GRHL2: variants seen among roughly 807,000 people sequenced by gnomAD.
The protein encoded by GRHL2 is grainyhead-like protein 2 homolog.
Under a neutral mutation model 83.8 loss-of-function variants are expected in GRHL2, and 21 were observed. The observed-to-expected ratio is 0.25, with a 90% CI of 0.18 to 0.36. The LOEUF is 0.36. GRHL2 is among the 10% of genes least tolerant of loss of function. The probability of loss-of-function intolerance (pLI) is 1.00; values close to 1 mark genes in which losing one functional copy is unlikely to be tolerated. For missense variants in GRHL2, 623 were observed against 781.8 expected, an observed-to-expected ratio of 0.80 and a Z score of 2.42; for synonymous variants, 280 against 278.9, an observed-to-expected ratio of 1.00 and a Z score of -0.04.
intron 1 of GRHL2, among the ~76,000 whole-genome samples, chr8:101,532,593 T>C (rs1810951877): frequency 6.6e-6 from 1 of 151,806 alleles, no homozygotes; most frequent in South Asian, 2.1e-4. Context: ...CTACTAAAAA[T>C]ACAAAAATTA....
intron 2 of GRHL2, among the ~76,000 whole-genome samples, chr8:101,544,890 A>C (rs1004671309): frequency 3.3e-5 from 5 of 152,162 alleles, no homozygotes; most frequent in African/African-American, 1.2e-4. Context: ...CCCCTAGAAC[A>C]GTTCTCATGC....
In GRHL2 at chr8:101,585,260, TAC is replaced by T. The variant is rs544574314; in HGVS notation, c.1003+7743_1003+7744del. Among the ~76,000 whole-genome samples, 44 of 152,368 alleles carry T rather than the reference TAC, an allele frequency of 2.9e-4. No individual in the cohort carries two copies. In the East Asian group the frequency reaches 3.5e-3, roughly 12 times the overall value. On this transcript the variant is annotated intron_variant, in intron 7 of 15. Coordinates refer to ENST00000646743, the MANE Select transcript of GRHL2 (RefSeq NM_024915.4). ...AAATTATACAGATTTGCTCTCTCCC[TAC>T]AGTCTGGAAAATGTAGGTCTTCCCT...
intron 8 of GRHL2, among the ~76,000 whole-genome samples, chr8:101,608,751 AC>A (rs1812685093): frequency 7.1e-6 from 1 of 141,314 alleles, no homozygotes. Context: ...ACACACACAC[AC>A]ACACACACAC....
chr8:101,639,847 T>G (rs892834086), intron 12 of GRHL2, among the ~76,000 whole-genome samples: 3 of 152,278 alleles, frequency 2.0e-5, no homozygotes, highest in African/African-American at 7.2e-5. Context: ...GGCCACGTTC[T>G]TTCCTCTCCC....
chr8:101,572,158 G>A (rs1811840380), intron 5 of GRHL2, among the ~76,000 whole-genome samples: 1 of 152,162 alleles, frequency 6.6e-6, no homozygotes, highest in South Asian at 2.1e-4. Context: ...CTTTCTTCAT[G>A]TTTTCAAAGC....
downstream of GRHL2, among the ~76,000 whole-genome samples, chr8:101,670,511 C>A (rs1308033221): frequency 6.6e-6 from 1 of 152,316 alleles, no homozygotes; most frequent in Middle Eastern, 3.4e-3. Context: ...ATGGAGGAAG[C>A]GCTCATTGCA....
At chr8:101,603,431 G>A (rs546034809) in intron 8 of GRHL2, among the ~76,000 whole-genome samples, 2 of 152,274 alleles carry the variant, frequency 1.3e-5, no homozygotes, top group South Asian at 2.1e-4. Context: ...TTTCTCCAAA[G>A]CATACATTTT....
intron 11 of GRHL2, 129 bp from the exon 12 acceptor site, chr8:101,636,768 G>C: frequency 4.9e-6 from 3 of 606,194 alleles, no homozygotes; most frequent in African/African-American, 4.4e-5. Flanking sequence ...CACACACACT[G>C]TTATTAAACA....
At chr8:101,543,005 C>G (rs1811186223) in intron 1 of GRHL2, among the ~76,000 whole-genome samples, 1 of 152,222 alleles carries the variant, frequency 6.6e-6, no homozygotes, top group Non-Finnish European at 1.5e-5. Context: ...GATGAACATT[C>G]AAACCATAAT....
intron 2 of GRHL2, among the ~76,000 whole-genome samples, chr8:101,552,242 G>A (rs1028876087): frequency 4.6e-5 from 7 of 152,164 alleles, no homozygotes; most frequent in South Asian, 4.2e-4. Flanking sequence ...AGTATGGCCC[G>A]CCCCGTGCCT....
intron 1 of GRHL2, among the ~76,000 whole-genome samples, chr8:101,514,943 C>CTTCCT (rs1054465765): frequency 2.8e-5 from 4 of 143,338 alleles, no homozygotes; most frequent in Non-Finnish European, 6.3e-5. Context: ...CTTTTTTCTT[C>CTTCCT]TTCCTTTCCT....
In GRHL2 at chr8:101,612,400, C is replaced by G. The variant is rs1376287030; in HGVS notation, c.1099-7139C>G. Among the ~76,000 whole-genome samples the G allele has an allele frequency of 2.0e-5, 3 of 150,700 alleles. 1 individual carries two copies. The highest frequency in any genetic ancestry group is 7.5e-5 in the African/African-American group (3 of 40,192). ...TGGACCCCCACCATTTCCTTGAGGGCAGGGCCCTGCCATAGATAGACTTCT... is the reference window on the plus strand; with the variant it reads ...TGGACCCCCACCATTTCCTTGAGGGGAGGGCCCTGCCATAGATAGACTTCT... On this transcript the variant is annotated intron_variant, in intron 8 of 15. Transcript: ENST00000646743.
At chr8:101,595,726 CTATT>C (rs1363039480) in intron 7 of GRHL2, among the ~76,000 whole-genome samples, 9 of 151,472 alleles carry the variant, frequency 5.9e-5, no homozygotes, top group African/African-American at 2.2e-4. Context: ...TTAGCTTTAA[CTATT>C]TATTTCAAAA....
Position 101,667,600 on chromosome 8 carries a change from C to T in GRHL2, c.*897C>T, listed in dbSNP as rs1814100695. 1.3e-5 allele frequency: 2 copies of T among 152,476 alleles called. No homozygotes were observed. Among genetic ancestry groups the T allele is most frequent in the African/African-American group, 4.8e-5 (2 of 41,460 alleles). The allele number at this position is 152,476 out of a possible 1,614,324, so 9.4% of individuals were successfully genotyped here. A position where few individuals can be genotyped will look rare whatever the true frequency, so the allele number is the denominator to read the frequency against. On this transcript the variant is annotated 3_prime_UTR_variant, in exon 16 of 16. Coordinates refer to ENST00000646743, the MANE Select transcript of GRHL2 (RefSeq NM_024915.4). ...CCAGAGGAAGCCCCCTCTCCTTCTCCATGGGCATGACTCTCCTTCGAGGCC... is the reference window on the plus strand; with the variant it reads ...CCAGAGGAAGCCCCCTCTCCTTCTCTATGGGCATGACTCTCCTTCGAGGCC...
intron 9 of GRHL2, among the ~76,000 whole-genome samples, chr8:101,624,825 TGCCCAGA>T (rs1389224880): frequency 6.6e-6 from 1 of 152,146 alleles, no homozygotes; most frequent in African/African-American, 2.4e-5. Context: ...ATAAGCAATT[TGCCCAGA>T]GACACACAGT....
chr8:101,572,816 A>T (rs1398571860), intron 5 of GRHL2, among the ~76,000 whole-genome samples: 3 of 152,148 alleles, frequency 2.0e-5, no homozygotes, highest in Non-Finnish European at 2.9e-5. Flanking sequence ...CATGTTTTTT[A>T]AAAAATGTGA....
chr8:101,616,640 G>A (rs1394839162), intron 8 of GRHL2, among the ~76,000 whole-genome samples: 4 of 152,068 alleles, frequency 2.6e-5, no homozygotes, highest in African/African-American at 9.7e-5. Context: ...CATGCCCAGG[G>A]CTCTGTTTTG....
At chr8:101,497,695 G>A (rs1308452668) in intron 1 of GRHL2, among the ~76,000 whole-genome samples, 1 of 152,102 alleles carries the variant, frequency 6.6e-6, no homozygotes, top group African/African-American at 2.4e-5. Flanking sequence ...AATGTTCCAG[G>A]CATTATAATT....
intron 1 of GRHL2, among the ~76,000 whole-genome samples, chr8:101,508,012 C>T (rs1810376577): frequency 6.6e-6 from 1 of 152,106 alleles, no homozygotes; most frequent in Non-Finnish European, 1.5e-5. Flanking sequence ...TCTCGAACTC[C>T]TGGTCTCAAG....
Sources: allele counts gnomAD v4.1 joint callset (sites outside exome capture counted in the v4.1 genomes callset), GRCh38; gene constraint gnomAD v4.1.1; transcripts MANE v1.5; gene names NCBI Gene and HGNC (gene_info 2026-07-23, HGNC 2026-07-21).